Variants in C8orf34 observed in about 807,000 individuals in gnomAD.
The protein encoded by C8orf34 is chromosome 8 open reading frame 34.
A neutral mutation model predicts 68.3 loss-of-function variants in C8orf34; 65 were observed. The observed-to-expected ratio is 0.95, with a 90% CI of 0.78 to 1.17. The LOEUF (loss-of-function observed/expected upper bound fraction) is 1.17. Ranked by LOEUF, C8orf34 falls within the 50% of genes most tolerant of loss-of-function variation. The pLI is 0.00. For missense variants in C8orf34, 664 were observed against 655.4 expected (o/e 1.01, Z -0.14); for synonymous variants, 244 against 241.2 (o/e 1.01, Z -0.11).
chr8:68,533,253 G>A (rs1815326181), intron 7 of C8orf34, 104 bp downstream of exon 7: 1 of 1,433,230 alleles, frequency 7.0e-7, no homozygotes. Flanking sequence ...TTGTCTTAGG[G>A]AAAAGAAACC....
intron 12 of C8orf34, chr8:68,792,289 T>C (rs1290856547): frequency 1.3e-5 from 2 of 152,130 alleles, no homozygotes; most frequent in African/African-American, 2.4e-5. Context: ...TTTAAAGATA[T>C]AGATCAGGCG....
chr8:68,630,355 T>C (rs1818655814), intron 7 of C8orf34, among the ~76,000 whole-genome samples: 2 of 152,134 alleles, frequency 1.3e-5, no homozygotes, highest in Non-Finnish European at 2.9e-5. Flanking sequence ...CATTATTTTA[T>C]TTGTATTATT....
At chr8:68,745,549 G>C (rs1441358771) in intron 10 of C8orf34, among the ~76,000 whole-genome samples, 1 of 152,042 alleles carries the variant, frequency 6.6e-6, no homozygotes, top group Non-Finnish European at 1.5e-5. Context: ...GGTCTACCAA[G>C]CAAAAGGAAA....
chr8:68,354,610 T>A (rs1806667181), intron 1 of C8orf34, among the ~76,000 whole-genome samples: 1 of 152,140 alleles, frequency 6.6e-6, no homozygotes, highest in Admixed American at 6.6e-5. Flanking sequence ...GTTTAGTGGA[T>A]GGATATGACT....
chr8:68,789,134 G>C (rs985458590), intron 12 of C8orf34, among the ~76,000 whole-genome samples: 1 of 152,152 alleles, frequency 6.6e-6, no homozygotes, highest in South Asian at 2.1e-4. Flanking sequence ...GATTTTGGCT[G>C]TAGTGGTTTT....
chr8:68,553,405 A>AAAAAAAAAC lies in C8orf34; in HGVS notation c.1105+20261_1105+20262insAAACAAAAA, dbSNP rs1554577324. ...ATCTCAAAAAAAAAAAAAAAAAAAA[A>AAAAAAAAAC]AAAAACATATCCTCCACTCATTTTT... On this transcript the variant is annotated intron_variant, in intron 7 of 13. Coordinates refer to ENST00000518698, the MANE Select transcript of C8orf34 (RefSeq NM_052958.4). Among the ~76,000 whole-genome samples, 17 of 141,098 alleles carry AAAAAAAAAC rather than the reference A, an allele frequency of 1.2e-4. 1 individual carries two copies. Among genetic ancestry groups the AAAAAAAAAC allele is most frequent in the African/African-American group, 4.8e-4 (17 of 35,216 alleles). The allele number at this position is 141,098 out of a possible 152,430, so 92.6% of individuals were successfully genotyped here.
At chr8:68,757,225 G>A (rs2129527850) in intron 10 of C8orf34, among the ~76,000 whole-genome samples, 1 of 152,214 alleles carries the variant, frequency 6.6e-6, no homozygotes, top group African/African-American at 2.4e-5. Flanking sequence ...CTTTCAACAA[G>A]AGAGCTCTGC....
chr8:68,475,944 G>A (rs1025226696), intron 4 of C8orf34, among the ~76,000 whole-genome samples: 4 of 152,140 alleles, frequency 2.6e-5, no homozygotes, highest in Admixed American at 6.5e-5. Context: ...CAGCTGCTGG[G>A]GGAACAGAGG....
chr8:68,623,110 A>T (rs1818435365), intron 7 of C8orf34, among the ~76,000 whole-genome samples: 1 of 152,168 alleles, frequency 6.6e-6, no homozygotes, highest in South Asian at 2.1e-4. Context: ...TAGCTGTGTA[A>T]CTTGATCAGA....
chr8:68,463,250 G>C (rs1452316318), intron 3 of C8orf34, among the ~76,000 whole-genome samples: 1 of 152,140 alleles, frequency 6.6e-6, no homozygotes, highest in Admixed American at 6.5e-5. Flanking sequence ...GGAAGAAGTT[G>C]AATCTCTGAA....
chr8:68,460,195 A>G (rs977378133), intron 3 of C8orf34, among the ~76,000 whole-genome samples: 3 of 152,194 alleles, frequency 2.0e-5, no homozygotes, highest in Non-Finnish European at 4.4e-5. Flanking sequence ...TTGCTAGCAC[A>G]GCAGTCTGAG....
chr8:68,330,893 C>A, upstream of C8orf34: 1 of 853,414 alleles, frequency 1.2e-6, no homozygotes, highest in Non-Finnish European at 1.7e-6. Flanking sequence ...GCTCGCCTCC[C>A]GCCCCCTGAT....
intron 10 of C8orf34, among the ~76,000 whole-genome samples, chr8:68,742,281 T>A (rs1199229516): frequency 6.6e-6 from 1 of 152,162 alleles, no homozygotes; most frequent in African/African-American, 2.4e-5. Context: ...TAATGTCCAG[T>A]TTTAATCTGC....
At chr8:68,696,325 C>A (rs1307184182) in intron 8 of C8orf34, among the ~76,000 whole-genome samples, 2 of 147,130 alleles carry the variant, frequency 1.4e-5, no homozygotes, top group Non-Finnish European at 3.0e-5. Context: ...ACAATCAAAA[C>A]ACATAATAGA....
intron 7 of C8orf34, among the ~76,000 whole-genome samples, chr8:68,636,740 A>C (rs970130182): frequency 6.6e-6 from 1 of 152,146 alleles, no homozygotes; most frequent in African/African-American, 2.4e-5. Flanking sequence ...CAATCATATC[A>C]CAAGATCTTT....
At chr8:68,718,982 T>A (rs536324414) in intron 9 of C8orf34, among the ~76,000 whole-genome samples, 1 of 152,262 alleles carries the variant, frequency 6.6e-6, no homozygotes, top group African/African-American at 2.4e-5. Context: ...TGATTTTAAA[T>A]AGCTAAAAAA....
chr8:68,535,661 T>C, intron 7 of C8orf34: 1 of 708,986 alleles, frequency 1.4e-6, no homozygotes, highest in Non-Finnish European at 1.7e-6. Flanking sequence ...GGATTTCTTT[T>C]CTAAATGTTT....
chr8:68,576,031 G>A (rs1250137207), intron 7 of C8orf34, among the ~76,000 whole-genome samples: 2 of 139,162 alleles, frequency 1.4e-5, no homozygotes, highest in African/African-American at 5.3e-5. Flanking sequence ...CGTCAGAAAT[G>A]GCTGCCAATC....
intron 1 of C8orf34, among the ~76,000 whole-genome samples, chr8:68,356,577 T>C (rs1038383939): frequency 2.6e-5 from 4 of 152,282 alleles, no homozygotes; most frequent in African/African-American, 9.6e-5. Context: ...GATTTAGATT[T>C]GGAGATTAGT....
Sources: gnomAD v4.1 joint callset for allele counts (sites outside exome capture counted in the v4.1 genomes callset) on GRCh38, gnomAD v4.1.1 for gene constraint, MANE v1.5 for transcripts, NCBI Gene and HGNC (gene_info 2026-07-23, HGNC 2026-07-21) for gene names.